Variants in MTCL1 observed in about 807,000 individuals in gnomAD.
The protein encoded by MTCL1 is microtubule cross-linking factor 1.
MTCL1 carries 79 observed loss-of-function variants against 141.4 expected under a neutral mutation model. That is an observed-to-expected ratio of 0.56 (90% CI 0.47 to 0.67). The LOEUF is 0.67. Ranked by LOEUF, MTCL1 falls within the 30% of genes least tolerant of loss-of-function variation. The probability of loss-of-function intolerance (pLI) is 0.00; values close to 1 mark genes in which losing one functional copy is unlikely to be tolerated. For synonymous variants in MTCL1, 914 were observed against 875.8 expected (o/e 1.04, Z -0.77); for missense variants, 2,177 against 2,113.9 (o/e 1.03, Z -0.59).
intron 4 of MTCL1, among the ~76,000 whole-genome samples, chr18:8,776,114 G>A (rs548679309): frequency 5.5e-4 from 84 of 152,292 alleles, no homozygotes; most frequent in African/African-American, 1.9e-3. Context: ...GAATAAAGCC[G>A]AGAGAGTCAG....
intron 1 of MTCL1, among the ~76,000 whole-genome samples, chr18:8,710,646 A>T (rs989011999): frequency 6.6e-6 from 1 of 151,376 alleles, no homozygotes; most frequent in African/African-American, 2.4e-5. Flanking sequence ...GTGGTAATGA[A>T]ATCATTGGAA....
chr18:8,787,872 G>C (rs2075572593), intron 7 of MTCL1, among the ~76,000 whole-genome samples: 1 of 152,156 alleles, frequency 6.6e-6, no homozygotes, highest in Non-Finnish European at 1.5e-5. Flanking sequence ...CCTTTTATTA[G>C]AGAAGCTGGA....
intron 4 of MTCL1, among the ~76,000 whole-genome samples, chr18:8,733,236 G>A (rs1406375110): frequency 6.6e-6 from 1 of 152,190 alleles, no homozygotes; most frequent in Admixed American, 6.5e-5. Context: ...TTGATCTTCT[G>A]TGTTTATTCA....
intron 11 of MTCL1, among the ~76,000 whole-genome samples, chr18:8,808,887 G>A (rs374809679): frequency 2.0e-5 from 3 of 152,236 alleles, no homozygotes; most frequent in Admixed American, 1.3e-4. Flanking sequence ...GCTTTTGCAC[G>A]TAGGCTGTCA....
intron 13 of MTCL1, among the ~76,000 whole-genome samples, chr18:8,819,858 G>A (rs1269341347): frequency 6.6e-6 from 1 of 152,136 alleles, no homozygotes; most frequent in African/African-American, 2.4e-5. Flanking sequence ...TGATCTGTCT[G>A]CCTTGGCTTC....
chr18:8,732,769 G>T (rs114407459), intron 4 of MTCL1, among the ~76,000 whole-genome samples: 1,578 of 152,270 alleles, frequency 0.01, 31 homozygotes, highest in African/African-American at 0.036. Context: ...GCAGGGTGCC[G>T]CTCCCCATGG....
intron 4 of MTCL1, among the ~76,000 whole-genome samples, chr18:8,721,793 C>T (rs2096174919): frequency 6.6e-6 from 1 of 152,204 alleles, no homozygotes; most frequent in East Asian, 1.9e-4. Context: ...TATCCGTCCC[C>T]TCCTTTACTA....
At chr18:8,724,309 G>A (rs1190507625) in intron 4 of MTCL1, among the ~76,000 whole-genome samples, 3 of 152,134 alleles carry the variant, frequency 2.0e-5, no homozygotes, top group Admixed American at 6.5e-5. Context: ...TACTCGGGAG[G>A]CTGAGGCAGG....
At chr18:8,725,776 C>CTTTTTTTTTTTTTCTTTTTTT (rs1464608569) in intron 4 of MTCL1, among the ~76,000 whole-genome samples, 1 of 110,996 alleles carries the variant, frequency 9.0e-6, no homozygotes, top group Non-Finnish European at 1.8e-5. Context: ...GTGCCATTTT[C>CTTTTTTTTTTTTTCTTTTTTT]TTTTTTTTTT....
At chr18:8,740,285 C>T (rs12953371) in intron 4 of MTCL1, among the ~76,000 whole-genome samples, 36,718 of 152,036 alleles carry the variant, frequency 0.24, 5,508 homozygotes, top group Admixed American at 0.4. Flanking sequence ...CTTTAGAGCT[C>T]TCTTACTCCT....
exon 15 of MTCL1, chr18:8,825,697 A>G: frequency 1.2e-6 from 2 of 1,614,106 alleles, no homozygotes; most frequent in Non-Finnish European, 8.5e-7. Context: ...CCCAAGCTGC[A>G]GAGGAAGCCC....
exon 3 of MTCL1, chr18:8,718,570 C>T (rs116449409): frequency 1.6e-5 from 26 of 1,613,998 alleles, no homozygotes; most frequent in South Asian, 3.3e-5. Context: ...TTCGGAAAGC[C>T]GAGCAGAAAA....
intron 4 of MTCL1, among the ~76,000 whole-genome samples, chr18:8,767,884 C>T (rs1489396426): frequency 6.6e-6 from 1 of 152,070 alleles, no homozygotes; most frequent in African/African-American, 2.4e-5. Context: ...TATTTGCTTC[C>T]AAACATTTCC....
At position 8,705,846 on chromosome 18, in the gene MTCL1, C is replaced by T. The variant is rs955214888; in HGVS notation, c.186C>T (p.Ala62=). The change falls in exon 1 of 14, where the codon GCC becomes GCT. Residue 62 remains alanine, a synonymous_variant. Coordinates refer to the MTCL1 transcript ENST00000306329. The surrounding 1 kb of genome is among the most constrained non-coding windows in gnomAD (Gnocchi z 5.2). The stretch of plus-strand genomic sequence containing the variant: ...CCCGGCCCGCCGCGCCCGGCCCGGC[C>T]GTCCCCTCCTCGGGCCGAGCCCCGG... 4.3e-6 allele frequency: 5 copies of T among 1,166,344 alleles called. No homozygotes were observed. Among genetic ancestry groups the T allele is most frequent in the African/African-American group, 3.2e-5 (2 of 61,566 alleles). The allele number at this position is 1,166,344 out of a possible 1,614,324, so 72.2% of individuals were successfully genotyped here.
At chr18:8,829,746 A>G (rs913019820) in intron 16 of MTCL1, 18 of 985,226 alleles carry the variant, frequency 1.8e-5, no homozygotes, top group African/African-American at 1.7e-4. Context: ...GGGAGGGTCA[A>G]TTCCCAGAAA....
chr18:8,782,629 AC>A (rs2096536522), intron 5 of MTCL1: 1 of 152,222 alleles, frequency 6.6e-6, no homozygotes, highest in South Asian at 2.1e-4. Flanking sequence ...AGGTTTTGAT[AC>A]ACTTGACTCT....
chr18:8,723,783 A>C (rs12454629), intron 4 of MTCL1, among the ~76,000 whole-genome samples: 52,205 of 151,802 alleles, frequency 0.34, 9,204 homozygotes, highest in Admixed American at 0.47. Flanking sequence ...TCCCTTCTTC[A>C]GCCACTTGCT....
At chr18:8,764,060 A>G (rs1441515598) in intron 4 of MTCL1, among the ~76,000 whole-genome samples, 1 of 152,112 alleles carries the variant, frequency 6.6e-6, no homozygotes, top group Non-Finnish European at 1.5e-5. Flanking sequence ...TCAAACACAC[A>G]TTTTCCATGC....
chr18:8,771,177 T>TG (rs1297414083), intron 4 of MTCL1, among the ~76,000 whole-genome samples: 1 of 152,118 alleles, frequency 6.6e-6, no homozygotes, highest in Non-Finnish European at 1.5e-5. Context: ...ATGATAGAGA[T>TG]GGGGTCTCGC....
Sources: gnomAD v4.1 joint callset for allele counts (sites outside exome capture counted in the v4.1 genomes callset) on GRCh38, gnomAD v4.1.1 for gene constraint, Gnocchi (gnomAD v3.1) non-coding constraint, MANE v1.5 for transcripts, NCBI Gene and HGNC (gene_info 2026-07-23, HGNC 2026-07-21) for gene names.